Variants in CENPN observed in about 807,000 individuals in gnomAD.
CENPN encodes the protein interphase centromere complex protein 32.
Under a neutral mutation model 48.6 loss-of-function variants are expected in CENPN, and 36 were observed. That is an observed-to-expected ratio of 0.74 (90% confidence interval 0.57 to 0.98). The LOEUF is 0.98. CENPN is among the 50% of genes least tolerant of loss of function. The probability of loss-of-function intolerance (pLI) is 0.00; values close to 1 mark genes in which losing one functional copy is unlikely to be tolerated. For synonymous variants in CENPN, 166 were observed against 135.2 expected, an observed-to-expected ratio of 1.23 and a Z score of -1.58; for missense variants, 439 against 399.2, an observed-to-expected ratio of 1.10 and a Z score of -0.85.
At position 81,014,164 on chromosome 16, in the gene CENPN, C is replaced by G; in HGVS notation, c.200C>G (p.Ala67Gly). ...EEKRASISDA[A>G]LLDIIYMQFH... The stretch of plus-strand genomic sequence containing the variant: ...AAGCGTGCAAGTATCAGTGATGCTG[C>G]CCTGTTAGACATCATTTGTAAGTGT... The change falls in exon 3 of 11, where the codon GCC (alanine) becomes GGC (glycine). Residue 67 changes from alanine to glycine, a missense_variant. Coordinates refer to ENST00000305850, the MANE Select transcript of CENPN (RefSeq NM_001100624.3). 1 of 1,613,092 alleles carries G rather than the reference C, an allele frequency of 6.2e-7. No homozygotes were observed. Among genetic ancestry groups the G allele is most frequent in the Non-Finnish European group, 8.5e-7 (1 of 1,179,190 alleles).
chr16:81,023,192 T>A (rs1406757035), intron 7 of CENPN: 1 of 295,654 alleles, frequency 3.4e-6, no homozygotes, highest in Non-Finnish European at 6.5e-6. Context: ...GATCTGTCCT[T>A]ACAGATGCAG....
chr16:81,029,079 A>G lies in CENPN; in HGVS notation c.*428A>G. On this transcript the variant is annotated 3_prime_UTR_variant, in exon 11 of 11. Coordinates refer to ENST00000305850, the MANE Select transcript of CENPN (RefSeq NM_001100624.3). ...GCTCTGGATCACAGAGAGAAGCAAC[A>G]AGGAACTATACTCAACTCAAAACTT... 1 of 987,064 alleles carries G rather than the reference A, an allele frequency of 1.0e-6. No individual in the cohort carries two copies. The highest frequency in any genetic ancestry group is 1.2e-6 in the Non-Finnish European group (1 of 831,142). The allele number at this position is 987,064 out of a possible 1,614,324, so 61.1% of individuals were successfully genotyped here.
At position 81,030,454 on chromosome 16, in the gene CENPN, T is replaced by C; in HGVS notation, c.*1803T>C. On this transcript the variant is annotated 3_prime_UTR_variant, in exon 11 of 11. Coordinates refer to ENST00000305850, the MANE Select transcript of CENPN (RefSeq NM_001100624.3). ...AAGTGTGAAACATGATATAGAAAAA[T>C]GACTTCACTCTGGGCCGGGTGTAGT... The C allele has an allele frequency of 1.0e-6, 1 of 965,424 alleles. No homozygotes were observed. Among genetic ancestry groups the C allele is most frequent in the Non-Finnish European group, 1.2e-6 (1 of 811,824 alleles). The allele number at this position is 965,424 out of a possible 1,614,324, so 59.8% of individuals were successfully genotyped here.
intron 5 of CENPN, 23 bp from the exon 6 acceptor site, chr16:81,020,077 C>CTTTTTTT: frequency 8.8e-7 from 1 of 1,136,388 alleles, no homozygotes; most frequent in Non-Finnish European, 1.2e-6. Context: ...GAAATTAAGC[C>CTTTTTTT]TTTTTTTTTT....
intron 7 of CENPN, chr16:81,023,025 T>C: frequency 1.3e-6 from 1 of 744,668 alleles, no homozygotes; most frequent in Non-Finnish European, 2.0e-6. Flanking sequence ...TATATTATTC[T>C]ATGAAACAAC....
chr16:81,028,762 T>G lies in CENPN; in HGVS notation c.*111T>G. 6.8e-7 allele frequency: 1 copy of G among 1,472,834 alleles called. No individual in the cohort carries two copies. The allele number at this position is 1,472,834 out of a possible 1,614,324, so 91.2% of individuals were successfully genotyped here. On this transcript the variant is annotated 3_prime_UTR_variant, in exon 11 of 11. Transcript: ENST00000305850. ...TGTAAACTTGTATTTTCAAGAATCC[T>G]TGGTATTGAATTTTTAGAAATGCTC...
Position 81,028,689 on chromosome 16 carries a change from G to A in CENPN, c.*38G>A. ...TTCTTAAGCACAGCTCCTCCTTCTTGATATTGCACATGCACTTCAGTTCAT... is the reference window on the plus strand; with the variant it reads ...TTCTTAAGCACAGCTCCTCCTTCTTAATATTGCACATGCACTTCAGTTCAT... On this transcript the variant is annotated 3_prime_UTR_variant, in exon 11 of 11. Transcript: ENST00000305850. 1 of 1,593,600 alleles carries A rather than the reference G, an allele frequency of 6.3e-7. No homozygotes were observed. The highest frequency in any genetic ancestry group is 8.5e-7 in the Non-Finnish European group (1 of 1,174,466).
intron 9 of CENPN, among the ~76,000 whole-genome samples, chr16:81,027,243 C>T (rs77039786): frequency 0.021 from 3,141 of 152,230 alleles, 173 homozygotes; most frequent in East Asian, 0.2. Flanking sequence ...ATAATCCCAG[C>T]ACTTTGGGAG....
intron 8 of CENPN, among the ~76,000 whole-genome samples, chr16:81,025,673 T>A (rs191823633): frequency 6.8e-6 from 1 of 146,042 alleles, no homozygotes; most frequent in African/African-American, 2.6e-5. Flanking sequence ...CTGGGCAACA[T>A]AGTGAGACCC....
At position 81,029,111 on chromosome 16, in the gene CENPN, A is replaced by C. The variant is rs180956450; in HGVS notation, c.*460A>C. 1.1e-5 allele frequency: 11 copies of C among 985,754 alleles called. No homozygotes were observed. In the African/African-American group the frequency reaches 1.9e-4, roughly 17 times the overall value. 61.1% of individuals were successfully genotyped at this position (985,754 alleles called of 1,614,324 possible). On this transcript the variant is annotated 3_prime_UTR_variant, in exon 11 of 11. Transcript: ENST00000305850. ...TATACTCAACTCAAAACTTTTTAGG[A>C]GAATCATGAAATTGGTCTATTCAAA...
downstream of CENPN, chr16:81,032,833 G>C: frequency 2.1e-6 from 2 of 953,340 alleles, no homozygotes; most frequent in Non-Finnish European, 3.1e-6. Context: ...GACCAATCTT[G>C]GAAGCTTGGA....
At position 81,020,464 on chromosome 16, in the gene CENPN, C is replaced by T. The variant is rs554355906; in HGVS notation, c.531+188C>T. On this transcript the variant is annotated intron_variant, in intron 6 of 10. Transcript: ENST00000305850. ...CTCGTGCCCACGAGTCCAAGGCTGC[C>T]GTGAGCTGCGATCACAAGACAAAGC... The T allele has an allele frequency of 1.1e-4, 51 of 467,100 alleles. No homozygotes were observed. The East Asian group carries it at 1.7e-3, about 15-fold the overall frequency. The allele number at this position is 467,100 out of a possible 1,614,324, so 28.9% of individuals were successfully genotyped here.
intron 2 of CENPN, among the ~76,000 whole-genome samples, chr16:81,013,315 T>C (rs1354744850): frequency 2.6e-5 from 4 of 152,192 alleles, no homozygotes; most frequent in Non-Finnish European, 5.9e-5. Context: ...TATAAACCTC[T>C]AGAAAATGCA....
chr16:81,014,088 A>G, intron 2 of CENPN, 48 bp from the exon 3 acceptor site: 1 of 1,529,922 alleles, frequency 6.5e-7, no homozygotes, highest in Non-Finnish European at 9.1e-7. Flanking sequence ...AACGGGATAG[A>G]ACCAAACCTA....
At chr16:81,024,971 A>T (rs1202259767) in intron 8 of CENPN, among the ~76,000 whole-genome samples, 193 bp downstream of exon 8, 3 of 152,250 alleles carry the variant, frequency 2.0e-5, no homozygotes, top group Non-Finnish European at 4.4e-5. Flanking sequence ...TTACTAGAAT[A>T]ACAATAAACA....
At chr16:81,026,807 C>T (rs1440560630) in intron 9 of CENPN, among the ~76,000 whole-genome samples, 169 bp downstream of exon 9, 1 of 152,066 alleles carries the variant, frequency 6.6e-6, no homozygotes, top group African/African-American at 2.4e-5. Context: ...TTTATAAGTT[C>T]CTCTGTTAGC....
chr16:81,020,283 A>T lies in CENPN; in HGVS notation c.531+7A>T. On this transcript the variant is annotated splice_region_variant and intron_variant, in intron 6 of 10. Coordinates refer to ENST00000305850, the MANE Select transcript of CENPN (RefSeq NM_001100624.3). ...TACACCGCTTCTGGGTCAGGTATGG[A>T]AAAAATTATTACAAGCTATAATATT... 1 of 1,605,788 alleles carries T rather than the reference A, an allele frequency of 6.2e-7. No homozygotes were observed. The highest frequency in any genetic ancestry group is 8.5e-7 in the Non-Finnish European group (1 of 1,177,566).
chr16:81,016,257 G>C (rs1969927686), intron 3 of CENPN, among the ~76,000 whole-genome samples: 1 of 152,200 alleles, frequency 6.6e-6, no homozygotes, highest in Admixed American at 6.5e-5. Context: ...ACACTTGGGA[G>C]GCTGAGGCAG....
intron 3 of CENPN, among the ~76,000 whole-genome samples, chr16:81,015,000 C>T (rs1175978221): frequency 6.6e-6 from 1 of 152,178 alleles, no homozygotes; most frequent in East Asian, 1.9e-4. Context: ...TCTGAGCACA[C>T]ATAAGGTAGG....
Sources: gnomAD v4.1 joint callset for allele counts (sites outside exome capture counted in the v4.1 genomes callset) on GRCh38, gnomAD v4.1.1 for gene constraint, MANE v1.5 for transcripts, NCBI Gene and HGNC (gene_info 2026-07-23, HGNC 2026-07-21) for gene names.